The following SLIT2 variants were observed in gnomAD, a reference collection of about 807,000 sequenced individuals.
The protein encoded by SLIT2 is slit homolog 2 protein.
In SLIT2, 41 loss-of-function variants were observed where a neutral mutation model predicts 185.7. The ratio of observed to expected loss-of-function variants is 0.22; its 90% CI spans 0.17 to 0.29. The LOEUF (loss-of-function observed/expected upper bound fraction) is 0.29, where lower values mean the gene tolerates loss of function less well. Among genes scored for constraint, SLIT2 ranks in the 10% least tolerant of loss-of-function variants. SLIT2 has a pLI of 1.00. For synonymous variants in SLIT2, 693 were observed against 680.2 expected (o/e 1.02, Z -0.29); for missense variants, 1,571 against 1,909.0 (o/e 0.82, Z 3.30).
chr4:20,292,493 A>C lies in SLIT2; in HGVS notation c.395+23612A>C, dbSNP rs1289787881. On this transcript the variant is annotated intron_variant, in intron 4 of 36. Transcript: ENST00000504154. ...GTGATATAGTGAGACCTGTCTCAAA[A>C]GAAGAAGAAGGAGAAGGAGCACTGA... Among the ~76,000 whole-genome samples, 3 of 152,276 alleles carry C rather than the reference A, an allele frequency of 2.0e-5. No individual in the cohort carries two copies. In the East Asian group the frequency reaches 5.8e-4, roughly 29 times the overall value.
intron 26 of SLIT2, 114 bp from the exon 27 acceptor site, chr4:20,567,148 G>C (rs1469272087): frequency 9.8e-6 from 9 of 921,312 alleles, no homozygotes; most frequent in Non-Finnish European, 1.5e-5. Context: ...GACACATATA[G>C]ATATGTGACC....
chr4:20,527,983 G>A (rs944639319), intron 15 of SLIT2, among the ~76,000 whole-genome samples: 1 of 151,832 alleles, frequency 6.6e-6, no homozygotes, highest in Non-Finnish European at 1.5e-5. Flanking sequence ...GATCTTTTGA[G>A]CTTCTCTGTT....
intron 14 of SLIT2, 148 bp downstream of exon 14, chr4:20,524,325 T>G (rs1260894922): frequency 1.5e-6 from 1 of 685,778 alleles, no homozygotes; most frequent in Non-Finnish European, 2.4e-6. Context: ...TAAAGAGGAC[T>G]GTAGACCCAA....
intron 4 of SLIT2, among the ~76,000 whole-genome samples, chr4:20,325,422 G>A (rs182396654): frequency 1.9e-5 from 2 of 105,508 alleles, no homozygotes; most frequent in Non-Finnish European, 1.8e-5. Context: ...GGGTGGGGGT[G>A]GGGGGTGGGA....
At chr4:20,310,001 TCTGCCCGCCTCGGC>T (rs898115652) in intron 4 of SLIT2, among the ~76,000 whole-genome samples, 4 of 152,088 alleles carry the variant, frequency 2.6e-5, no homozygotes, top group Non-Finnish European at 4.4e-5. Context: ...GACCTCGTGA[TCTGCCCGCCTCGGC>T]CTCCCCAAGT....
In SLIT2 at chr4:20,453,238, G is replaced by A. The variant is rs1483976396; in HGVS notation, c.396-14514G>A. Among the ~76,000 whole-genome samples the A allele has an allele frequency of 2.6e-5, 4 of 152,134 alleles. No individual in the cohort carries two copies. In the East Asian group the frequency reaches 7.7e-4, roughly 29 times the overall value. On this transcript the variant is annotated intron_variant, in intron 4 of 36. Coordinates refer to ENST00000504154, the MANE Select transcript of SLIT2 (RefSeq NM_004787.4). ...GATTTAAATTTTCTGAATTTAAGATGTATCTTAAAATAGCTTAATGCTTAC... is the reference window on the plus strand; with the variant it reads ...GATTTAAATTTTCTGAATTTAAGATATATCTTAAAATAGCTTAATGCTTAC...
intron 4 of SLIT2, among the ~76,000 whole-genome samples, chr4:20,412,290 A>G (rs924689848): frequency 2.4e-5 from 3 of 126,050 alleles, no homozygotes; most frequent in African/African-American, 8.3e-5. Flanking sequence ...CACCTCTACT[A>G]TACAGTAGGT....
chr4:20,516,175 C>T (rs1048673120), intron 11 of SLIT2, among the ~76,000 whole-genome samples: 6 of 152,196 alleles, frequency 3.9e-5, no homozygotes, highest in African/African-American at 1.2e-4. Flanking sequence ...ATTGCTGCCT[C>T]TTACTGTCCT....
At chr4:20,480,674 T>G in intron 5 of SLIT2, 42 bp from the exon 6 acceptor site, 1 of 1,477,774 alleles carries the variant, frequency 6.8e-7, no homozygotes, top group Non-Finnish European at 9.5e-7. Flanking sequence ...CCCCAGCTAC[T>G]GTCCATCCCT....
chr4:20,394,701 A>G (rs994789800), intron 4 of SLIT2: 15 of 152,110 alleles, frequency 9.9e-5, no homozygotes, highest in African/African-American at 3.6e-4. Context: ...GACTGTCAGC[A>G]CGCTGCACTG....
chr4:20,434,920 T>C (rs1259465648), intron 4 of SLIT2, among the ~76,000 whole-genome samples: 2 of 152,208 alleles, frequency 1.3e-5, no homozygotes, highest in Non-Finnish European at 2.9e-5. Context: ...AGAATTATCT[T>C]CCACATATTT....
intron 18 of SLIT2, among the ~76,000 whole-genome samples, chr4:20,535,724 T>G (rs1722211915): frequency 6.6e-6 from 1 of 152,170 alleles, no homozygotes; most frequent in Non-Finnish European, 1.5e-5. Context: ...CAAATGAGTT[T>G]TCTTCTATCT....
At chr4:20,473,404 G>T (rs186858072) in intron 5 of SLIT2, among the ~76,000 whole-genome samples, 1 of 151,720 alleles carries the variant, frequency 6.6e-6, no homozygotes. Flanking sequence ...ATTCTCTTTA[G>T]GTAAGCAAAA....
intron 4 of SLIT2, among the ~76,000 whole-genome samples, chr4:20,428,383 G>A (rs1276016201): frequency 6.6e-6 from 1 of 152,150 alleles, no homozygotes; most frequent in East Asian, 1.9e-4. Flanking sequence ...CTACCTAGGG[G>A]AAAATACTAT....
At chr4:20,266,285 T>C (rs535949841) in intron 3 of SLIT2, among the ~76,000 whole-genome samples, 2 of 152,100 alleles carry the variant, frequency 1.3e-5, no homozygotes, top group East Asian at 3.9e-4. Context: ...TGGTAGCAGC[T>C]GTTACTCACT....
intron 4 of SLIT2, among the ~76,000 whole-genome samples, chr4:20,363,405 A>G (rs1014401278): frequency 3.9e-5 from 6 of 152,182 alleles, no homozygotes; most frequent in Admixed American, 3.3e-4. Context: ...GAGAATAAGC[A>G]GAAGAGAATT....
rs541441229 is a variant in SLIT2, at chr4:20,471,398, A to G, written c.467+3575A>G. Among the ~76,000 whole-genome samples the G allele has an allele frequency of 2.0e-5, 3 of 152,278 alleles. No homozygotes were observed. The East Asian group carries it at 5.8e-4, about 29-fold the overall frequency. On this transcript the variant is annotated intron_variant, in intron 5 of 36. Transcript: ENST00000504154. ...GTCATGGCTCAATACATTTCCATTA[A>G]TATTAGCATTATTAATATTATTAGT...
intron 4 of SLIT2, among the ~76,000 whole-genome samples, chr4:20,310,142 A>G (rs1046510331): frequency 2.6e-5 from 4 of 151,948 alleles, no homozygotes; most frequent in Non-Finnish European, 4.4e-5. Flanking sequence ...CTTCTCATAC[A>G]TCACTATTTC....
rs4552453 is a variant in SLIT2, at chr4:20,252,675, T to G, written c.-1141T>G. 1.3e-3 allele frequency among the ~76,000 whole-genome samples: 191 copies of G among 152,230 alleles called. 2 individuals are homozygous for G. Among genetic ancestry groups the G allele is most frequent in the African/African-American group, 4.5e-3 (186 of 41,562 alleles). ...GTCTGCCGCGGAGCTGCGGCTTATC[T>G]GGGAGACGAGCGGGGTTGACACGCG... On this transcript the variant is annotated 5_prime_UTR_variant, in exon 1 of 37. Coordinates refer to ENST00000504154, the MANE Select transcript of SLIT2 (RefSeq NM_004787.4).
Sources: gnomAD v4.1 joint callset for allele counts (sites outside exome capture counted in the v4.1 genomes callset) on GRCh38, gnomAD v4.1.1 for gene constraint, MANE v1.5 for transcripts, NCBI Gene and HGNC (gene_info 2026-07-23, HGNC 2026-07-21) for gene names.